The following NRXN3 variants were observed in gnomAD, a reference collection of about 807,000 sequenced individuals.
NRXN3 encodes neurexin 3, also known as neurexin III.
In NRXN3, 32 loss-of-function variants were observed where a neutral mutation model predicts 137.6. That is an observed-to-expected ratio of 0.23 (90% CI 0.18 to 0.31). NRXN3 has a LOEUF of 0.31. Ranked by LOEUF, NRXN3 falls within the 10% of genes least tolerant of loss-of-function variation. The pLI, the probability that NRXN3 is intolerant of heterozygous loss-of-function variation, is 1.00. For missense variants in NRXN3, 1,574 were observed against 2,062.5 expected (o/e 0.76, Z 4.59); for synonymous variants, 798 against 784.5 (o/e 1.02, Z -0.29).
At chr14:79,690,785 C>A (rs1292425130) in intron 17 of NRXN3, among the ~76,000 whole-genome samples, 1 of 152,074 alleles carries the variant, frequency 6.6e-6, no homozygotes, top group African/African-American at 2.4e-5. Flanking sequence ...ATCTCCTCAG[C>A]CAATAATGAC....
chr14:78,224,750 CTTTTTTTT>C (rs35800837), intron 1 of NRXN3, among the ~76,000 whole-genome samples: 8 of 64,826 alleles, frequency 1.2e-4, no homozygotes, highest in South Asian at 8.3e-4. Context: ...GTGCATGTGT[CTTTTTTTT>C]TTTTTTTTTT....
Position 78,963,396 on chromosome 14 carries a change from A to T in NRXN3, c.2396-2629A>T, listed in dbSNP as rs371745547. ...TAAAATAAGAATTAGCATGACTAGC[A>T]GCATCATCATAGTTCAGTTTCTCTG... On this transcript the variant is annotated intron_variant, in intron 11 of 20. Coordinates refer to ENST00000335750, the MANE Select transcript of NRXN3 (RefSeq NM_001330195.2). Among the ~76,000 whole-genome samples the T allele has an allele frequency of 5.3e-5, 8 of 152,214 alleles. No homozygotes were observed. In the East Asian group the frequency reaches 7.8e-4, roughly 15 times the overall value.
intron 4 of NRXN3, among the ~76,000 whole-genome samples, chr14:78,475,130 A>C (rs912882650): frequency 1.3e-5 from 2 of 152,224 alleles, no homozygotes; most frequent in African/African-American, 4.8e-5. Flanking sequence ...TAAGGGGTAC[A>C]TGAATGACAG....
intron 15 of NRXN3, among the ~76,000 whole-genome samples, chr14:79,372,457 C>T (rs1212055406): frequency 2.0e-5 from 3 of 152,076 alleles, no homozygotes; most frequent in Admixed American, 1.3e-4. Context: ...GAGGTGCATG[C>T]ATCTTCTTAA....
At chr14:79,802,607 C>T (rs1474516242) in intron 19 of NRXN3, among the ~76,000 whole-genome samples, 4 of 152,138 alleles carry the variant, frequency 2.6e-5, no homozygotes, top group African/African-American at 9.7e-5. Context: ...AACTACTAAA[C>T]AATGATTGTG....
intron 1 of NRXN3, among the ~76,000 whole-genome samples, chr14:78,189,314 A>C (rs2060504706): frequency 6.6e-6 from 1 of 152,142 alleles, no homozygotes; most frequent in Non-Finnish European, 1.5e-5. Context: ...AGCAGGCTGG[A>C]GTGATCCTTT....
chr14:79,791,945 C>T (rs754103769), intron 19 of NRXN3, among the ~76,000 whole-genome samples: 6 of 152,132 alleles, frequency 3.9e-5, no homozygotes, highest in African/African-American at 7.2e-5. Flanking sequence ...TTCCCTGCTA[C>T]GCTGAAAGCA....
chr14:79,568,614 G>A (rs1016903330), intron 16 of NRXN3, among the ~76,000 whole-genome samples: 3 of 152,170 alleles, frequency 2.0e-5, no homozygotes, highest in African/African-American at 4.8e-5. Context: ...GTTTGAGCTA[G>A]AGCCGGGAGA....
chr14:79,842,567 T>C (rs2099358259), intron 20 of NRXN3, among the ~76,000 whole-genome samples: 1 of 152,130 alleles, frequency 6.6e-6, no homozygotes, highest in South Asian at 2.1e-4. Flanking sequence ...TTTGGGGATT[T>C]TAAAGAGGAA....
chr14:79,588,612 T>C (rs2097779600), intron 16 of NRXN3, among the ~76,000 whole-genome samples: 1 of 152,212 alleles, frequency 6.6e-6, no homozygotes, highest in Admixed American at 6.5e-5. Flanking sequence ...GTCAGTAAAG[T>C]TGACAGCCCT....
chr14:78,200,191 C>A (rs1054078901), intron 1 of NRXN3, among the ~76,000 whole-genome samples: 5 of 152,150 alleles, frequency 3.3e-5, no homozygotes, highest in African/African-American at 9.7e-5. Flanking sequence ...CAGTGGCAGG[C>A]GATCTTGGGA....
chr14:79,826,504 G>A (rs2141150523), intron 20 of NRXN3, among the ~76,000 whole-genome samples: 1 of 152,228 alleles, frequency 6.6e-6, no homozygotes, highest in Non-Finnish European at 1.5e-5. Flanking sequence ...ATGTAGATAT[G>A]TATTTCCCCT....
At chr14:79,135,088 G>A (rs997746166) in intron 15 of NRXN3, among the ~76,000 whole-genome samples, 1 of 152,104 alleles carries the variant, frequency 6.6e-6, no homozygotes, top group Non-Finnish European at 1.5e-5. Context: ...GAATAGAAAG[G>A]AATATGGGAG....
At chr14:78,457,534 TACAAA>T (rs1408045183) in intron 4 of NRXN3, among the ~76,000 whole-genome samples, 2 of 152,130 alleles carry the variant, frequency 1.3e-5, no homozygotes, top group African/African-American at 4.8e-5. Flanking sequence ...TACTGAGGGT[TACAAA>T]ACAGGTCAAA....
intron 14 of NRXN3, among the ~76,000 whole-genome samples, chr14:78,980,381 A>G (rs964201302): frequency 1.2e-4 from 18 of 152,188 alleles, no homozygotes; most frequent in African/African-American, 7.2e-5. Context: ...ATGAATTTCA[A>G]ATTGGGGTGT....
chr14:79,501,578 A>C (rs2096826845), intron 16 of NRXN3, among the ~76,000 whole-genome samples: 1 of 152,194 alleles, frequency 6.6e-6, no homozygotes, highest in Non-Finnish European at 1.5e-5. Flanking sequence ...AGCTACAAAA[A>C]TGAGGGAACA....
chr14:78,782,232 G>A (rs957619532), intron 8 of NRXN3, among the ~76,000 whole-genome samples: 1 of 152,230 alleles, frequency 6.6e-6, no homozygotes, highest in African/African-American at 2.4e-5. Flanking sequence ...CTCCTCCATA[G>A]AGTAGAACCT....
chr14:79,535,836 A>G (rs1481908236), intron 16 of NRXN3, among the ~76,000 whole-genome samples: 1 of 152,206 alleles, frequency 6.6e-6, no homozygotes, highest in Non-Finnish European at 1.5e-5. Context: ...CTTCTAAGGC[A>G]GGTTTACTGT....
At chr14:79,501,099 G>C (rs987257745) in intron 16 of NRXN3, among the ~76,000 whole-genome samples, 3 of 152,142 alleles carry the variant, frequency 2.0e-5, no homozygotes, top group Admixed American at 2.0e-4. Context: ...GATCTGTATA[G>C]TTCATAAAAA....
Sources: gnomAD v4.1 joint callset for allele counts (sites outside exome capture counted in the v4.1 genomes callset) on GRCh38, gnomAD v4.1.1 for gene constraint, MANE v1.5 for transcripts, NCBI Gene and HGNC (gene_info 2026-07-23, HGNC 2026-07-21) for gene names.